The following PTPRO variants were observed in gnomAD, a reference collection of about 807,000 sequenced individuals.
PTPRO encodes the protein protein tyrosine phosphatase receptor type O.
Under a neutral mutation model 145.2 loss-of-function variants are expected in PTPRO, and 62 were observed. The ratio of observed to expected loss-of-function variants is 0.43; its 90% CI spans 0.35 to 0.53. The LOEUF (loss-of-function observed/expected upper bound fraction) is 0.53. PTPRO is among the 20% of genes least tolerant of loss of function. The pLI, the probability that PTPRO is intolerant of heterozygous loss-of-function variation, is 0.01. For missense variants in PTPRO, 1,345 were observed against 1,482.7 expected, an observed-to-expected ratio of 0.91 and a Z score of 1.53; for synonymous variants, 565 against 514.7, an observed-to-expected ratio of 1.10 and a Z score of -1.32.
At chr12:15,458,391 T>A (rs1219878216) in intron 1 of PTPRO, among the ~76,000 whole-genome samples, 1 of 152,126 alleles carries the variant, frequency 6.6e-6, no homozygotes, top group African/African-American at 2.4e-5. Context: ...CCTCCAGATT[T>A]GGGTAATTTC....
chr12:15,330,395 CT>C (rs1866573277), intron 1 of PTPRO, among the ~76,000 whole-genome samples: 2 of 152,122 alleles, frequency 1.3e-5, no homozygotes, highest in Non-Finnish European at 2.9e-5. Flanking sequence ...GAGTAGCGGT[CT>C]CAAGATAACA....
intron 1 of PTPRO, chr12:15,440,208 G>T: frequency 3.0e-6 from 2 of 665,692 alleles, no homozygotes; most frequent in South Asian, 1.7e-5. Flanking sequence ...GCCAGGGGCT[G>T]CACTGCCACC....
At chr12:15,392,154 A>G (rs1340885940) in intron 1 of PTPRO, among the ~76,000 whole-genome samples, 4 of 152,222 alleles carry the variant, frequency 2.6e-5, no homozygotes, top group Non-Finnish European at 5.9e-5. Flanking sequence ...AATTTAGTGT[A>G]AGAAACCATA....
chr12:15,547,787 C>T (rs1943333353), intron 13 of PTPRO, among the ~76,000 whole-genome samples: 1 of 152,078 alleles, frequency 6.6e-6, no homozygotes, highest in African/African-American at 2.4e-5. Flanking sequence ...AAAAGTCTTT[C>T]CTTAGAATAA....
chr12:15,416,956 G>T (rs983129444), intron 1 of PTPRO, among the ~76,000 whole-genome samples: 4 of 151,512 alleles, frequency 2.6e-5, no homozygotes, highest in African/African-American at 4.9e-5. Flanking sequence ...TTACATTAAG[G>T]TTCGGTCTAT....
intron 6 of PTPRO, among the ~76,000 whole-genome samples, chr12:15,506,888 C>T (rs993691279): frequency 6.6e-6 from 1 of 152,112 alleles, no homozygotes; most frequent in Admixed American, 6.5e-5. Flanking sequence ...ACTCATTTGT[C>T]CAAAGTTGCA....
chr12:15,463,974 C>G lies in PTPRO; in HGVS notation c.76-20000C>G, dbSNP rs57722811. Reference sequence around the variant, plus strand: ...AATTTTACAGATATTTCTCAAGTTCCAAACAGTAAAGTACTATGCTGTATA... The same window carrying G: ...AATTTTACAGATATTTCTCAAGTTCGAAACAGTAAAGTACTATGCTGTATA... On this transcript the variant is annotated intron_variant, in intron 1 of 26. Transcript: ENST00000281171. 6.5e-3 allele frequency among the ~76,000 whole-genome samples: 995 copies of G among 152,216 alleles called. 12 individuals are homozygous for G. Among genetic ancestry groups the G allele is most frequent in the African/African-American group, 0.022 (916 of 41,522 alleles).
chr12:15,402,676 G>T (rs1414056868), intron 1 of PTPRO, among the ~76,000 whole-genome samples: 1 of 151,924 alleles, frequency 6.6e-6, no homozygotes, highest in Admixed American at 6.6e-5. Context: ...CATAATCAGG[G>T]TGACAAATGA....
At chr12:15,376,490 A>G (rs992006056) in intron 1 of PTPRO, among the ~76,000 whole-genome samples, 1 of 152,368 alleles carries the variant, frequency 6.6e-6, no homozygotes, top group Middle Eastern at 3.4e-3. Flanking sequence ...TACACTAGAC[A>G]GTAGCTCAGA....
chr12:15,368,048 C>T (rs1218244918), intron 1 of PTPRO, among the ~76,000 whole-genome samples: 2 of 152,176 alleles, frequency 1.3e-5, no homozygotes, highest in Admixed American at 6.5e-5. Context: ...TCAATAAAAC[C>T]GTTTAGTAGC....
At chr12:15,502,113 G>A in intron 5 of PTPRO, 50 bp downstream of exon 5, 1 of 1,519,878 alleles carries the variant, frequency 6.6e-7, no homozygotes, top group Non-Finnish European at 9.1e-7. Flanking sequence ...AAAGGAAGGG[G>A]AATTGAAATG....
chr12:15,470,032 A>C (rs1373877856), intron 1 of PTPRO, among the ~76,000 whole-genome samples: 2 of 152,210 alleles, frequency 1.3e-5, no homozygotes, highest in Non-Finnish European at 2.9e-5. Flanking sequence ...ACTGTCACTT[A>C]AGTGGGATTT....
chr12:15,527,625 C>T (rs931406633), intron 12 of PTPRO, among the ~76,000 whole-genome samples: 12 of 152,246 alleles, frequency 7.9e-5, no homozygotes, highest in African/African-American at 2.9e-4. Flanking sequence ...CTTTGACACA[C>T]TGCCAGGATA....
At chr12:15,389,354 G>A (rs1009427435) in intron 1 of PTPRO, among the ~76,000 whole-genome samples, 6 of 151,940 alleles carry the variant, frequency 3.9e-5, no homozygotes, top group African/African-American at 7.2e-5. Flanking sequence ...TGATCCGCCC[G>A]TCTCAGGCTC....
chr12:15,343,595 G>A (rs1452516037), intron 1 of PTPRO, among the ~76,000 whole-genome samples: 2 of 152,084 alleles, frequency 1.3e-5, no homozygotes, highest in East Asian at 3.9e-4. Flanking sequence ...GGCTGAGATG[G>A]GAGAATCGCT....
chr12:15,433,583 A>G (rs866900723), intron 1 of PTPRO, among the ~76,000 whole-genome samples: 1 of 152,206 alleles, frequency 6.6e-6, no homozygotes, highest in African/African-American at 2.4e-5. Context: ...ATGGCTAGCC[A>G]GTTATTCCAA....
chr12:15,578,725 C>T, intron 19 of PTPRO, 128 bp from the exon 20 acceptor site: 1 of 735,130 alleles, frequency 1.4e-6, no homozygotes, highest in South Asian at 1.5e-5. Context: ...GGGTGGAGTA[C>T]CTTCCACCTC....
At chr12:15,409,713 G>C (rs1939743323) in intron 1 of PTPRO, among the ~76,000 whole-genome samples, 1 of 152,132 alleles carries the variant, frequency 6.6e-6, no homozygotes, top group Non-Finnish European at 1.5e-5. Context: ...ATGTCACTTG[G>C]CGAGAGCAGG....
chr12:15,526,083 G>A (rs1417100455), intron 11 of PTPRO, 59 bp from the exon 12 acceptor site: 48 of 1,607,826 alleles, frequency 3.0e-5, no homozygotes, highest in Non-Finnish European at 3.9e-5. Context: ...TAGTTGTTTG[G>A]GGTGGTGCAC....
Sources: allele counts gnomAD v4.1 joint callset (sites outside exome capture counted in the v4.1 genomes callset), GRCh38; gene constraint gnomAD v4.1.1; transcripts MANE v1.5; gene names NCBI Gene and HGNC (gene_info 2026-07-23, HGNC 2026-07-21).